The following TACC2 variants were observed in gnomAD, a reference collection of about 807,000 sequenced individuals.
TACC2 encodes the protein transforming acidic coiled-coil-containing protein 2.
TACC2 carries 137 observed loss-of-function variants against 227.3 expected under a neutral mutation model. The observed-to-expected ratio is 0.60, with a 90% CI of 0.52 to 0.69. The LOEUF (loss-of-function observed/expected upper bound fraction) is 0.69, where lower values mean the gene tolerates loss of function less well. TACC2 is among the 30% of genes least tolerant of loss of function. The pLI is 0.00. For missense variants in TACC2, 3,470 were observed against 3,694.4 expected (o/e 0.94, Z 1.57); for synonymous variants, 1,523 against 1,487.5 (o/e 1.02, Z -0.55).
intron 11 of TACC2, among the ~76,000 whole-genome samples, chr10:122,219,262 T>C (rs576993206): frequency 6.6e-6 from 1 of 151,486 alleles, no homozygotes; most frequent in East Asian, 2.0e-4. Flanking sequence ...TTCACACCCT[T>C]TCCTTAGTGC....
At chr10:121,999,747 C>G (rs566278082) in intron 1 of TACC2, among the ~76,000 whole-genome samples, 14 of 152,294 alleles carry the variant, frequency 9.2e-5, no homozygotes, top group African/African-American at 3.1e-4. Flanking sequence ...TCTACATACA[C>G]TGATGTCAAT....
Position 122,254,008 on chromosome 10 carries a change from A to G in TACC2, c.8799A>G (p.Glu2933=). 6.2e-7 allele frequency: 1 copy of G among 1,614,096 alleles called. No individual in the cohort carries two copies. Among genetic ancestry groups the G allele is most frequent in the East Asian group, 2.2e-5 (1 of 44,882 alleles). The change falls in exon 23 of 23, where the codon GAA becomes GAG. Residue 2933 remains glutamate (E), a synonymous_variant. Transcript: ENST00000369005. ...TLEQKNKEIE[E]LTKICDELIA... is the part of the protein sequence containing the mutation. ...ACTTGCAGAATAAAGAAATAGAAGAACTCACCAAGATTTGTGACGAACTGA... is the reference window on the plus strand; with the variant it reads ...ACTTGCAGAATAAAGAAATAGAAGAGCTCACCAAGATTTGTGACGAACTGA...
rs531446972 is a variant in TACC2, at chr10:122,180,738, A to G, written c.5835-14302A>G. Among the ~76,000 whole-genome samples the G allele has an allele frequency of 6.6e-6, 1 of 151,702 alleles. No homozygotes were observed. Among genetic ancestry groups the G allele is most frequent in the Admixed American group, 6.6e-5 (1 of 15,236 alleles). ...GAGTGCAAGAGGAATAACTTATTTT[A>G]TTTTTTATTTTTTTTGAGACGGAGT... On this transcript the variant is annotated intron_variant, in intron 7 of 22. Transcript: ENST00000369005. The surrounding 1 kb of genome is among the most constrained non-coding windows in gnomAD (Gnocchi z 4.5).
At chr10:122,064,475 A>G (rs550161180) in intron 3 of TACC2, among the ~76,000 whole-genome samples, 1 of 152,346 alleles carries the variant, frequency 6.6e-6, no homozygotes, top group East Asian at 1.9e-4. Context: ...AAGTGAAATG[A>G]TGTATAATGA....
chr10:122,217,415 T>G (rs2095428716), intron 11 of TACC2, among the ~76,000 whole-genome samples: 2 of 150,936 alleles, frequency 1.3e-5, no homozygotes, highest in African/African-American at 4.8e-5. Context: ...ATTTCAGTGT[T>G]TTTTCTTTTT....
intron 3 of TACC2, among the ~76,000 whole-genome samples, chr10:122,065,675 C>T (rs1479987466): frequency 1.3e-5 from 2 of 152,122 alleles, no homozygotes; most frequent in African/African-American, 4.8e-5. Flanking sequence ...GATTTTCTAT[C>T]CACTTGTTCA....
chr10:122,179,310 TGTC>T (rs2093875090), intron 7 of TACC2, among the ~76,000 whole-genome samples: 1 of 152,228 alleles, frequency 6.6e-6, no homozygotes, highest in Non-Finnish European at 1.5e-5. Context: ...TTATCTGCCT[TGTC>T]GTATTTAAAC....
At chr10:122,009,799 G>A (rs776474022) in intron 1 of TACC2, among the ~76,000 whole-genome samples, 6 of 151,836 alleles carry the variant, frequency 4.0e-5, no homozygotes, top group South Asian at 2.1e-4. Flanking sequence ...GGGGGTGCGC[G>A]CCTGTAGTCC....
chr10:122,000,854 A>C (rs938844418), intron 1 of TACC2, among the ~76,000 whole-genome samples: 1 of 152,048 alleles, frequency 6.6e-6, no homozygotes, highest in African/African-American at 2.4e-5. Context: ...TCACTCTGTC[A>C]CTGTGTCACC....
At chr10:122,069,078 C>G (rs924715938) in intron 3 of TACC2, among the ~76,000 whole-genome samples, 2 of 99,908 alleles carry the variant, frequency 2.0e-5, no homozygotes, top group African/African-American at 8.0e-5. Flanking sequence ...CTCTAGTATT[C>G]TACTCTGGGA....
In TACC2 at chr10:122,237,391, A is replaced by T. The variant is rs924377570; in HGVS notation, c.8128-4A>T. 1.2e-6 allele frequency: 2 copies of T among 1,601,210 alleles called. No individual in the cohort carries two copies. The highest frequency in any genetic ancestry group is 3.5e-5 in the Admixed American group (2 of 57,482). The stretch of plus-strand genomic sequence containing the variant: ...TTTTTTTTTAATTAAAAACGATTCC[A>T]CAGAGAGAGGCTGCTCACCCAACAG... On this transcript the variant is annotated splice_polypyrimidine_tract_variant and splice_region_variant and intron_variant, in intron 16 of 22. Coordinates refer to ENST00000369005, the MANE Select transcript of TACC2 (RefSeq NM_206862.4).
chr10:122,168,077 A>C (rs2093285128), intron 7 of TACC2, among the ~76,000 whole-genome samples: 1 of 30,486 alleles, frequency 3.3e-5, no homozygotes, highest in Non-Finnish European at 5.7e-5. Context: ...TTTTTTAAAT[A>C]ATTTTTTGTA....
intron 2 of TACC2, among the ~76,000 whole-genome samples, chr10:122,031,605 G>A (rs554699368): frequency 2.6e-5 from 4 of 151,720 alleles, no homozygotes; most frequent in East Asian, 2.0e-4. Flanking sequence ...GGGTTTCACC[G>A]TGTTAGCCAG....
intron 2 of TACC2, among the ~76,000 whole-genome samples, chr10:122,024,572 C>T (rs1483547973): frequency 6.6e-6 from 1 of 152,166 alleles, no homozygotes; most frequent in African/African-American, 2.4e-5. Flanking sequence ...ATCCCTAACC[C>T]CTGGCAACCA....
At chr10:122,228,329 C>T (rs373108301) in intron 14 of TACC2, among the ~76,000 whole-genome samples, 117 of 152,338 alleles carry the variant, frequency 7.7e-4, no homozygotes, top group East Asian at 2.9e-3. Flanking sequence ...TCTGCCGCTT[C>T]GTCCTTGATG....
At chr10:122,012,673 C>T (rs532606284) in intron 1 of TACC2, among the ~76,000 whole-genome samples, 1 of 152,080 alleles carries the variant, frequency 6.6e-6, no homozygotes, top group East Asian at 1.9e-4. Context: ...AAGCAGCTAC[C>T]ACCCTTAAGC....
At chr10:122,191,148 C>T (rs990101530) in intron 7 of TACC2, among the ~76,000 whole-genome samples, 8 of 151,778 alleles carry the variant, frequency 5.3e-5, no homozygotes, top group African/African-American at 7.3e-5. Context: ...GTCGAGGTCT[C>T]GCTCTGTCAT....
chr10:122,204,026 C>T (rs941460118), intron 8 of TACC2, among the ~76,000 whole-genome samples: 4 of 151,212 alleles, frequency 2.6e-5, no homozygotes, highest in African/African-American at 4.9e-5. Context: ...GGTGTGGCGG[C>T]GCGCGCCTGC....
chr10:122,183,536 T>C (rs772777869), intron 7 of TACC2, among the ~76,000 whole-genome samples: 3 of 152,062 alleles, frequency 2.0e-5, no homozygotes, highest in Non-Finnish European at 2.9e-5. Context: ...GGCATAGACA[T>C]GTGAGACACC....
Sources: gnomAD v4.1 joint callset for allele counts (sites outside exome capture counted in the v4.1 genomes callset) on GRCh38, gnomAD v4.1.1 for gene constraint, Gnocchi (gnomAD v3.1) non-coding constraint, MANE v1.5 for transcripts, NCBI Gene and HGNC (gene_info 2026-07-23, HGNC 2026-07-21) for gene names.